Variants in FRMPD1 observed in about 807,000 individuals in gnomAD.
The protein encoded by FRMPD1 is FERM and PDZ domain containing 1.
A neutral mutation model predicts 117.8 loss-of-function variants in FRMPD1; 76 were observed. The ratio of observed to expected loss-of-function variants is 0.65; its 90% CI spans 0.54 to 0.78. The LOEUF (loss-of-function observed/expected upper bound fraction) is 0.78. Ranked by LOEUF, FRMPD1 falls within the 30% of genes least tolerant of loss-of-function variation. The pLI is 0.00. For synonymous variants in FRMPD1, 783 were observed against 770.4 expected (o/e 1.02, Z -0.27); for missense variants, 1,786 against 1,964.5 (o/e 0.91, Z 1.72).
At chr9:37,677,152 A>G (rs1476132675) in intron 1 of FRMPD1, among the ~76,000 whole-genome samples, 1 of 152,214 alleles carries the variant, frequency 6.6e-6, no homozygotes, top group East Asian at 1.9e-4. Flanking sequence ...GTCTATGAAA[A>G]GGGTGAGGAC....
chr9:37,703,139 G>A lies in FRMPD1; in HGVS notation c.102-4277G>A, dbSNP rs192309465. On this transcript the variant is annotated intron_variant, in intron 2 of 15. Coordinates refer to ENST00000377765, the MANE Select transcript of FRMPD1 (RefSeq NM_014907.3). ...TGTGGTCATCAGTTCAAGGAATACC[G>A]GTCAAAATGGTAACAGAAGATCAAA... is the stretch of plus-strand genomic sequence containing the variant. Among the ~76,000 whole-genome samples the A allele has an allele frequency of 4.1e-3, 624 of 152,174 alleles. 26 individuals are homozygous for A. Among genetic ancestry groups the A allele is most frequent in the Admixed American group, 0.037 (572 of 15,286 alleles).
chr9:37,739,670 T>C (rs1004590321), intron 14 of FRMPD1, among the ~76,000 whole-genome samples: 1 of 152,210 alleles, frequency 6.6e-6, no homozygotes, highest in African/African-American at 2.4e-5. Flanking sequence ...CAAGGATCTG[T>C]TGTATTTTTA....
chr9:37,715,585 T>G lies in FRMPD1; in HGVS notation c.409-3484T>G, dbSNP rs558888849. On this transcript the variant is annotated intron_variant, in intron 5 of 15. Coordinates refer to ENST00000377765, the MANE Select transcript of FRMPD1 (RefSeq NM_014907.3). The stretch of plus-strand genomic sequence containing the variant: ...CTGAGGTCTGCTGCTTTGTGATGAA[T>G]TAATTTAGAATCCAGAGAGAGCTTA... 4.7e-4 allele frequency: 213 copies of G among 453,864 alleles called. 1 individual carries two copies. Among genetic ancestry groups the G allele is most frequent in the Non-Finnish European group, 8.4e-4 (190 of 225,928 alleles). 28.1% of individuals were successfully genotyped at this position (453,864 alleles called of 1,614,324 possible).
chr9:37,708,463 T>G lies in FRMPD1; in HGVS notation c.324T>G (p.Ala108=), dbSNP rs777093303. ...DQILQMNNEP[A]EDLSWERAVD... ...TCCTCCAAATGAACAATGAGCCTGC[T>G]GAAGACCTTTCCTGGGAACGAGCAG... is the stretch of plus-strand genomic sequence containing the variant. The change falls in exon 4 of 16, where the codon GCT becomes GCG. Residue 108 remains alanine, a synonymous_variant. Transcript: ENST00000377765. 40 of 1,612,880 alleles carry G rather than the reference T, an allele frequency of 2.5e-5. No individual in the cohort carries two copies. Among genetic ancestry groups the G allele is most frequent in the Non-Finnish European group, 3.3e-5 (39 of 1,178,798 alleles).
At chr9:37,664,412 C>T (rs1821097542) in intron 1 of FRMPD1, among the ~76,000 whole-genome samples, 2 of 152,040 alleles carry the variant, frequency 1.3e-5, no homozygotes, top group African/African-American at 4.8e-5. Flanking sequence ...CCTATCAACC[C>T]ATCACCTAGG....
the FRMPD1 span, chr9:37,636,659 C>T: frequency 3.5e-6 from 5 of 1,439,578 alleles, no homozygotes; most frequent in Non-Finnish European, 4.6e-6. Context: ...GGAGAAGGTG[C>T]CCCCTCCTGT....
Position 37,692,676 on chromosome 9 carries a change from G to T in FRMPD1, c.35G>T (p.Arg12Leu). ...EELETSLFQTRKAHRIEQMVA... is the reference protein window; with the variant it reads ...EELETSLFQTLKAHRIEQMVA... Reference sequence around the variant, plus strand: ...CTGGAGACCAGTTTATTCCAGACACGGAAAGCACATAGAATAGAACAAATG... The same window carrying T: ...CTGGAGACCAGTTTATTCCAGACACTGAAAGCACATAGAATAGAACAAATG... The change falls in exon 2 of 16, where the codon CGG (arginine) becomes CTG (leucine). Residue 12 changes from arginine to leucine, a missense_variant. Coordinates refer to ENST00000377765, the MANE Select transcript of FRMPD1 (RefSeq NM_014907.3). 6.2e-7 allele frequency: 1 copy of T among 1,613,750 alleles called. No homozygotes were observed. The highest frequency in any genetic ancestry group is 8.5e-7 in the Non-Finnish European group (1 of 1,179,686).
chr9:37,648,742 C>A (rs1820581946), upstream of FRMPD1, among the ~76,000 whole-genome samples: 1 of 151,976 alleles, frequency 6.6e-6, no homozygotes, highest in Non-Finnish European at 1.5e-5. Flanking sequence ...GAAGGAAGTG[C>A]CACTACCAGT....
At chr9:37,660,201 A>C (rs1021069015) in intron 1 of FRMPD1, among the ~76,000 whole-genome samples, 2 of 152,136 alleles carry the variant, frequency 1.3e-5, no homozygotes, top group Non-Finnish European at 2.9e-5. Flanking sequence ...TGAATCAGAC[A>C]GTCCCTGCCC....
intron 1 of FRMPD1, among the ~76,000 whole-genome samples, chr9:37,686,338 A>G (rs1340901231): frequency 6.6e-6 from 1 of 152,232 alleles, no homozygotes; most frequent in African/African-American, 2.4e-5. Flanking sequence ...AGCTTTATGT[A>G]AAGAAACTTT....
intron 7 of FRMPD1, 56 bp downstream of exon 7, chr9:37,724,376 A>AC (rs1393045077): frequency 5.4e-6 from 5 of 922,908 alleles, no homozygotes; most frequent in Non-Finnish European, 3.6e-6. Flanking sequence ...GGCTGCTAGG[A>AC]CCCCCCAGGC....
intron 1 of FRMPD1, among the ~76,000 whole-genome samples, chr9:37,688,005 A>G (rs1434365132): frequency 1.3e-5 from 2 of 152,118 alleles, no homozygotes; most frequent in African/African-American, 2.4e-5. Flanking sequence ...TTAATTCAGG[A>G]CAAAGATAGT....
chr9:37,659,232 C>T (rs143928926), intron 1 of FRMPD1, among the ~76,000 whole-genome samples: 24 of 152,286 alleles, frequency 1.6e-4, no homozygotes, highest in African/African-American at 5.8e-4. Context: ...TCTACTTTTG[C>T]AACTCCCTTT....
At chr9:37,680,477 T>C (rs571264440) in intron 1 of FRMPD1, among the ~76,000 whole-genome samples, 1 of 152,356 alleles carries the variant, frequency 6.6e-6, no homozygotes, top group Non-Finnish European at 1.5e-5. Flanking sequence ...AGGCACTGTA[T>C]TATAGAATCT....
intron 2 of FRMPD1, among the ~76,000 whole-genome samples, chr9:37,694,237 T>C (rs1284802984): frequency 6.6e-6 from 1 of 152,190 alleles, no homozygotes; most frequent in East Asian, 1.9e-4. Context: ...GTTTGGGAAA[T>C]GATGCATCCT....
intron 5 of FRMPD1, among the ~76,000 whole-genome samples, chr9:37,711,616 G>A (rs1422047075): frequency 6.6e-6 from 1 of 152,182 alleles, no homozygotes; most frequent in Non-Finnish European, 1.5e-5. Context: ...AGAATTTATG[G>A]TCCAGCTGAG....
the FRMPD1 span, among the ~76,000 whole-genome samples, chr9:37,611,316 A>C: frequency 6.6e-6 from 1 of 152,214 alleles, no homozygotes; most frequent in African/African-American, 2.4e-5. Flanking sequence ...TTTTGTGCTT[A>C]TGCGAATCTA....
At chr9:37,724,146 C>A in intron 6 of FRMPD1, 79 bp from the exon 7 acceptor site, 1 of 722,528 alleles carries the variant, frequency 1.4e-6, no homozygotes. Context: ...TGTTCTCCAG[C>A]CTGGGTGACA....
intron 15 of FRMPD1, among the ~76,000 whole-genome samples, chr9:37,743,520 C>CTTTTTTTT (rs531949141): frequency 4.9e-5 from 2 of 40,934 alleles, no homozygotes; most frequent in Non-Finnish European, 4.8e-5. Flanking sequence ...AATGGCTCTG[C>CTTTTTTTT]TTTTTTTTTT....
Sources: allele counts gnomAD v4.1 joint callset (sites outside exome capture counted in the v4.1 genomes callset), GRCh38; gene constraint gnomAD v4.1.1; transcripts MANE v1.5; gene names NCBI Gene and HGNC (gene_info 2026-07-23, HGNC 2026-07-21).